Variants in NF2 observed in about 807,000 individuals in gnomAD.
The protein encoded by NF2 is NF2, moesin-ezrin-radixin like (MERLIN) tumor suppressor.
A neutral mutation model predicts 83.7 loss-of-function variants in NF2; 8 were observed. That is an observed-to-expected ratio of 0.10 (90% CI 0.06 to 0.17). The LOEUF is 0.17. Ranked by LOEUF, NF2 falls within the 10% of genes least tolerant of loss-of-function variation. The pLI is 1.00. For synonymous variants in NF2, 266 were observed against 269.6 expected (o/e 0.99, Z 0.13); for missense variants, 533 against 744.4 (o/e 0.72, Z 3.31).
chr22:29,642,617 T>TA (rs1349530116), intron 4 of NF2, among the ~76,000 whole-genome samples: 1 of 152,126 alleles, frequency 6.6e-6, no homozygotes, highest in Non-Finnish European at 1.5e-5. Context: ...TTATGACATT[T>TA]ACTGGAAAAA....
At chr22:29,655,006 G>A (rs2066257414) in intron 5 of NF2, among the ~76,000 whole-genome samples, 1 of 152,166 alleles carries the variant, frequency 6.6e-6, no homozygotes, top group African/African-American at 2.4e-5. Flanking sequence ...TCCCAAAGAG[G>A]AGGCTGGAGC....
chr22:29,639,422 GT>G (rs1316602796), intron 3 of NF2, among the ~76,000 whole-genome samples: 1 of 152,184 alleles, frequency 6.6e-6, no homozygotes, highest in Non-Finnish European at 1.5e-5. Context: ...AATTGTGAAG[GT>G]GTGATGGTGA....
In NF2 at chr22:29,605,426, G is replaced by C. The variant is rs544053612; in HGVS notation, c.114+1314G>C. Among the ~76,000 whole-genome samples, 352 of 152,238 alleles carry C rather than the reference G, an allele frequency of 2.3e-3. 1 individual carries two copies. The highest frequency in any genetic ancestry group is 3.9e-3 in the Non-Finnish European group (265 of 68,028). ...GACCAGCCGACCTGGGCCTCCCAAA[G>C]TGGTGGGAAAGTGGTGCGATTACAG... On this transcript the variant is annotated intron_variant, in intron 1 of 15. Coordinates refer to ENST00000338641, the MANE Select transcript of NF2 (RefSeq NM_000268.4).
At chr22:29,665,190 T>G in intron 9 of NF2, 126 bp downstream of exon 9, 1 of 795,474 alleles carries the variant, frequency 1.3e-6, no homozygotes, top group South Asian at 1.5e-5. Flanking sequence ...TGGCGCATAC[T>G]TTCTGTTTAG....
chr22:29,696,066 CTTTTTTT>C lies in NF2; in HGVS notation c.*1281_*1287del, dbSNP rs886057354. On this transcript the variant is annotated 3_prime_UTR_variant, in exon 16 of 16. Transcript: ENST00000338641. ...GTCTGGGGCCACCTTCTTGCCCTTT[CTTTTTTT>C]TTTTTTTTTTTTTTTTCCGAGATGG... The C allele has an allele frequency of 6.9e-4, 107 of 155,926 alleles. No individual in the cohort carries two copies. The highest frequency in any genetic ancestry group is 2.5e-3 in the East Asian group (29 of 11,774). The allele number at this position is 155,926 out of a possible 1,614,324, so 9.7% of individuals were successfully genotyped here.
At chr22:29,691,128 CTCT>C (rs2067393377) in intron 15 of NF2, among the ~76,000 whole-genome samples, 1 of 152,222 alleles carries the variant, frequency 6.6e-6, no homozygotes, top group South Asian at 2.1e-4. Context: ...ATTTGGAGAC[CTCT>C]TCTTCCTGGA....
intron 1 of NF2, chr22:29,609,104 G>A (rs1569263356): frequency 9.4e-6 from 7 of 748,278 alleles, no homozygotes; most frequent in East Asian, 7.4e-5. Context: ...CTTTCATCTC[G>A]AGGAAACTGA....
At chr22:29,609,069 C>A in intron 1 of NF2, 1 of 738,218 alleles carries the variant, frequency 1.4e-6, no homozygotes, top group South Asian at 1.4e-5. Context: ...AAGCCAATGG[C>A]TATAAGAGGA....
chr22:29,627,249 T>C (rs913119182), intron 1 of NF2, among the ~76,000 whole-genome samples: 1 of 152,190 alleles, frequency 6.6e-6, no homozygotes, highest in African/African-American at 2.4e-5. Flanking sequence ...TGAAGACCAC[T>C]TGATGATTAT....
chr22:29,627,825 CT>C (rs750450864), intron 1 of NF2, among the ~76,000 whole-genome samples: 5 of 152,134 alleles, frequency 3.3e-5, no homozygotes, highest in African/African-American at 4.8e-5. Flanking sequence ...CTCCTTTGTT[CT>C]GTGGAAAATT....
In NF2 at chr22:29,671,947, T is replaced by G. The variant is rs1280154812; in HGVS notation, c.1121T>G (p.Leu374Arg). The G allele has an allele frequency of 1.2e-6, 2 of 1,614,194 alleles. No individual in the cohort carries two copies. Among genetic ancestry groups the G allele is most frequent in the South Asian group, 1.1e-5 (1 of 91,084 alleles). Residue 374 changes from leucine to arginine, a missense_variant and splice_region_variant, in exon 11 of 16, where the codon CTG (leucine) becomes CGG (arginine). Coordinates refer to ENST00000338641, the MANE Select transcript of NF2 (RefSeq NM_000268.4). ...GAAGCAACAATGGCCAACGAAGCACTGGTGATTTCTGAGGGGCTGGGGTTC... is the reference window on the plus strand; with the variant it reads ...GAAGCAACAATGGCCAACGAAGCACGGGTGATTTCTGAGGGGCTGGGGTTC... ...KEEATMANEA[L>R]MRSEETADLL...
Position 29,639,070 on chromosome 22 carries a change from T to A in NF2, c.241-20T>A, listed in dbSNP as rs1373485603. 7 of 1,614,194 alleles carry A rather than the reference T, an allele frequency of 4.3e-6. No homozygotes were observed. Among genetic ancestry groups the A allele is most frequent in the Non-Finnish European group, 5.1e-6 (6 of 1,180,022 alleles). On this transcript the variant is annotated intron_variant, in intron 2 of 15. Coordinates refer to ENST00000338641, the MANE Select transcript of NF2 (RefSeq NM_000268.4). ...AAGTGCCAATATAGTGTGTTTGTCT[T>A]TTGCTCTGCAATTCTGCAGGTACTG...
Position 29,673,269 on chromosome 22 carries a change from A to G in NF2, c.1123A>G (p.Met375Val), listed in dbSNP as rs2147082175. Residue 375 changes from methionine (M) to valine (V), a missense_variant and splice_region_variant, in exon 12 of 16, where the codon ATG (methionine) becomes GTG (valine). Coordinates refer to ENST00000338641, the MANE Select transcript of NF2 (RefSeq NM_000268.4). The part of the protein sequence containing the change: ...EEATMANEAL[M>V]RSEETADLLA... ...CAGCTAAGAGCACTGTGCCCTCCAG[A>G]TGCGGTCTGAGGAGACAGCTGACCT... The G allele has an allele frequency of 1.9e-6, 3 of 1,566,706 alleles. No homozygotes were observed. The highest frequency in any genetic ancestry group is 2.6e-6 in the Non-Finnish European group (3 of 1,155,082).
At chr22:29,647,780 G>A (rs1021352921) in intron 4 of NF2, among the ~76,000 whole-genome samples, 3 of 151,956 alleles carry the variant, frequency 2.0e-5, no homozygotes, top group African/African-American at 7.3e-5. Context: ...ATTTAATATG[G>A]TAACCACTGA....
At chr22:29,628,627 C>CTTTTTT (rs5844863) in intron 1 of NF2, among the ~76,000 whole-genome samples, 1 of 69,214 alleles carries the variant, frequency 1.4e-5, no homozygotes, top group African/African-American at 5.0e-5. Flanking sequence ...TTTGTGACAT[C>CTTTTTT]TTTTTTTTTT....
At chr22:29,631,932 T>G (rs867370427) in intron 1 of NF2, among the ~76,000 whole-genome samples, 2 of 152,146 alleles carry the variant, frequency 1.3e-5, no homozygotes, top group Non-Finnish European at 2.9e-5. Context: ...CTATATTCCT[T>G]TTAGACTAGT....
At chr22:29,675,441 C>T (rs1176087888) in intron 13 of NF2, among the ~76,000 whole-genome samples, 2 of 151,900 alleles carry the variant, frequency 1.3e-5, no homozygotes, top group East Asian at 3.9e-4. Flanking sequence ...GAATAGAAGC[C>T]TCTTTCCTTC....
rs184477204 is a variant in NF2, at chr22:29,696,420, T to C, written c.*1618T>C. 1.5e-3 allele frequency: 336 copies of C among 222,710 alleles called. No individual in the cohort carries two copies. The highest frequency in any genetic ancestry group is 7.1e-3 in the African/African-American group (318 of 44,836). 13.8% of individuals were successfully genotyped at this position (222,710 alleles called of 1,614,324 possible). A position where few individuals can be genotyped will look rare whatever the true frequency, so the allele number is the denominator to read the frequency against. ...TGAGATCCTTCCAGTTTGGCTGTTA[T>C]GCAAAGCAGGTGATTTGTCTTAATC... On this transcript the variant is annotated 3_prime_UTR_variant, in exon 16 of 16. Coordinates refer to ENST00000338641, the MANE Select transcript of NF2 (RefSeq NM_000268.4).
intron 1 of NF2, among the ~76,000 whole-genome samples, chr22:29,618,421 C>T (rs192612987): frequency 1.3e-5 from 2 of 152,146 alleles, no homozygotes; most frequent in Non-Finnish European, 2.9e-5. Flanking sequence ...AGTCATGTTA[C>T]CTTATGCTAA....
Sources: allele counts gnomAD v4.1 joint callset (sites outside exome capture counted in the v4.1 genomes callset), GRCh38; gene constraint gnomAD v4.1.1; transcripts MANE v1.5; gene names NCBI Gene and HGNC (gene_info 2026-07-23, HGNC 2026-07-21).